Variants in INTS9 observed in about 807,000 individuals in gnomAD.
The protein encoded by INTS9 is integrator complex subunit 9, also known as protein related to CPSF subunits of 74 kDa.
A neutral mutation model predicts 79.7 loss-of-function variants in INTS9; 55 were observed. The observed-to-expected ratio is 0.69, with a 90% confidence interval of 0.56 to 0.86. The LOEUF (loss-of-function observed/expected upper bound fraction) is 0.86, where lower values mean the gene tolerates loss of function less well. Ranked by LOEUF, INTS9 falls within the 40% of genes least tolerant of loss-of-function variation. INTS9 has a pLI of 0.00. For synonymous variants in INTS9, 319 were observed against 325.2 expected (o/e 0.98, Z 0.20); for missense variants, 721 against 831.5 (o/e 0.87, Z 1.64).
rs75275881 is a variant in INTS9, at chr8:28,860,147, C to T, written c.10-584G>A. ...AAGCAGGAGTGTGGGAACCTACTTC[C>T]AGACAAGTAGGAATCTCTTGCCTAT... is the stretch of plus-strand genomic sequence containing the variant. On this transcript the variant is annotated intron_variant, in intron 1 of 16. Transcript: ENST00000521022. 5.7e-3 allele frequency among the ~76,000 whole-genome samples: 866 copies of T among 152,318 alleles called. 5 individuals carry two copies. The highest frequency in any genetic ancestry group is 0.02 in the African/African-American group (841 of 41,570).
intron 11 of INTS9, among the ~76,000 whole-genome samples, chr8:28,786,004 A>G (rs911748251): frequency 1.3e-5 from 2 of 152,158 alleles, no homozygotes; most frequent in Non-Finnish European, 2.9e-5. Context: ...TCCTGTCACT[A>G]CTGTCCCCTC....
intron 14 of INTS9, among the ~76,000 whole-genome samples, chr8:28,774,426 G>T (rs905311897): frequency 6.6e-6 from 1 of 152,180 alleles, no homozygotes; most frequent in Non-Finnish European, 1.5e-5. Context: ...GGATGTCTGA[G>T]ACCAAAAGGT....
intron 3 of INTS9, 122 bp from the exon 4 acceptor site, chr8:28,846,931 G>A (rs564716592): frequency 1.5e-5 from 11 of 755,270 alleles, no homozygotes; most frequent in South Asian, 1.3e-4. Flanking sequence ...CTGGAGGGAA[G>A]CTGGGAGGTT....
chr8:28,822,590 A>G (rs974642923), intron 6 of INTS9, among the ~76,000 whole-genome samples: 2 of 152,244 alleles, frequency 1.3e-5, no homozygotes, highest in African/African-American at 4.8e-5. Context: ...TACTCAGCAC[A>G]TGAATGAAAC....
intron 10 of INTS9, among the ~76,000 whole-genome samples, chr8:28,789,685 G>A (rs574336009): frequency 3.9e-5 from 6 of 152,264 alleles, no homozygotes; most frequent in African/African-American, 1.4e-4. Context: ...CTTGAACCCA[G>A]GAGTTCATGG....
intron 8 of INTS9, among the ~76,000 whole-genome samples, chr8:28,810,581 C>T (rs1301873123): frequency 4.6e-5 from 7 of 151,896 alleles, no homozygotes; most frequent in South Asian, 2.1e-4. Flanking sequence ...TACTCCAGTC[C>T]GGGTGACAGA....
intron 4 of INTS9, among the ~76,000 whole-genome samples, chr8:28,841,095 C>T (rs765374398): frequency 5.9e-5 from 9 of 152,138 alleles, no homozygotes; most frequent in South Asian, 2.1e-4. Context: ...CAGGCAGCAT[C>T]GGCCCCCGAG....
intron 4 of INTS9, among the ~76,000 whole-genome samples, chr8:28,844,753 T>G (rs906240077): frequency 6.4e-4 from 98 of 152,206 alleles, no homozygotes; most frequent in Non-Finnish European, 1.0e-3. Flanking sequence ...GAGGCTGAGG[T>G]TGCAATGAGC....
intron 1 of INTS9, among the ~76,000 whole-genome samples, chr8:28,879,490 T>C (rs1400147212): frequency 1.3e-5 from 2 of 152,166 alleles, no homozygotes; most frequent in East Asian, 3.8e-4. Flanking sequence ...GAATATTTTC[T>C]TCCTAAGATG....
chr8:28,862,811 A>C (rs763014047), intron 1 of INTS9, among the ~76,000 whole-genome samples: 3 of 152,222 alleles, frequency 2.0e-5, no homozygotes, highest in Non-Finnish European at 2.9e-5. Flanking sequence ...AGGAAAGTTA[A>C]CTATTTGATA....
Position 28,808,473 on chromosome 8 carries a change from C to T in INTS9, c.744+3854G>A, listed in dbSNP as rs533623100. Among the ~76,000 whole-genome samples the T allele has an allele frequency of 8.3e-4, 127 of 152,236 alleles. 2 individuals carry two copies. Among genetic ancestry groups the T allele is most frequent in the Admixed American group, 1.3e-4 (2 of 15,282 alleles). ...TGCTAGGATTACAGGTGTGTGCCAC[C>T]GTGCCCGGTTAGATTTTTAAAACGT... is the stretch of plus-strand genomic sequence containing the variant. On this transcript the variant is annotated intron_variant, in intron 8 of 16. Transcript: ENST00000521022.
At chr8:28,807,837 C>A (rs1020887549) in intron 8 of INTS9, among the ~76,000 whole-genome samples, 1 of 152,148 alleles carries the variant, frequency 6.6e-6, no homozygotes, top group Non-Finnish European at 1.5e-5. Context: ...ATCATCATTG[C>A]TGTGCAACGT....
chr8:28,813,725 A>G, intron 6 of INTS9, 113 bp from the exon 7 acceptor site: 1 of 1,160,280 alleles, frequency 8.6e-7, no homozygotes, highest in South Asian at 1.5e-5. Context: ...CTGGCATATA[A>G]TTGTTCATAG....
intron 1 of INTS9, among the ~76,000 whole-genome samples, chr8:28,884,858 A>G (rs1810100747): frequency 6.6e-6 from 1 of 152,236 alleles, no homozygotes; most frequent in African/African-American, 2.4e-5. Context: ...CTTGTAATTT[A>G]TAGCCCGAGA....
intron 2 of INTS9, among the ~76,000 whole-genome samples, chr8:28,858,382 A>T (rs2131288261): frequency 6.6e-6 from 1 of 152,284 alleles, no homozygotes; most frequent in South Asian, 2.1e-4. Context: ...TCAAACAAAC[A>T]AACATTTTGC....
intron 6 of INTS9, among the ~76,000 whole-genome samples, chr8:28,821,575 A>AAAC (rs34760941): frequency 0.23 from 35,138 of 151,872 alleles, 4,803 homozygotes; most frequent in East Asian, 0.46. Context: ...ATTCCAGCTG[A>AAAC]AACCACCACC....
chr8:28,838,908 C>A (rs1806988304), intron 4 of INTS9, among the ~76,000 whole-genome samples: 1 of 152,214 alleles, frequency 6.6e-6, no homozygotes, highest in African/African-American at 2.4e-5. Context: ...CCCCTCCCAC[C>A]TGTGGCAGCC....
chr8:28,781,295 C>T (rs1196969641), intron 11 of INTS9, among the ~76,000 whole-genome samples: 3 of 152,076 alleles, frequency 2.0e-5, no homozygotes, highest in East Asian at 1.9e-4. Context: ...TGCTCCACAC[C>T]GTATGTCATT....
chr8:28,835,578 A>T (rs1322054180), intron 5 of INTS9, among the ~76,000 whole-genome samples, 200 bp from the exon 6 acceptor site: 2 of 152,184 alleles, frequency 1.3e-5, no homozygotes, highest in African/African-American at 2.4e-5. Context: ...TTGCATTTCC[A>T]TGCTAAAAAT....
Sources: allele counts gnomAD v4.1 joint callset (sites outside exome capture counted in the v4.1 genomes callset), GRCh38; gene constraint gnomAD v4.1.1; transcripts MANE v1.5; gene names NCBI Gene and HGNC (gene_info 2026-07-23, HGNC 2026-07-21).